The following WNT7B variants were observed in gnomAD, a reference collection of about 807,000 sequenced individuals.
The protein encoded by WNT7B is protein Wnt-7b.
WNT7B carries 19 observed loss-of-function variants against 38.2 expected under a neutral mutation model. The ratio of observed to expected loss-of-function variants is 0.50; its 90% CI spans 0.35 to 0.73. WNT7B has a LOEUF of 0.73. Among genes scored for constraint, WNT7B ranks in the 30% least tolerant of loss-of-function variants. The pLI is 0.01. For synonymous variants in WNT7B, 243 were observed against 209.3 expected (o/e 1.16, Z -1.39); for missense variants, 423 against 507.9 (o/e 0.83, Z 1.61).
At chr22:45,959,954 T>C (rs376589791) in intron 1 of WNT7B, among the ~76,000 whole-genome samples, 1 of 152,242 alleles carries the variant, frequency 6.6e-6, no homozygotes, top group East Asian at 1.9e-4. Context: ...GCGGGAACCC[T>C]GGGGCCATCT....
rs1189181463 is a variant in WNT7B at position 45,950,049 on chromosome 22, C to T, written c.169G>A (p.Asp57Asn). Residue 57 changes from aspartate to asparagine, a missense_variant, in exon 2 of 4, where the codon GAT becomes AAT. Coordinates refer to ENST00000339464, the MANE Select transcript of WNT7B (RefSeq NM_058238.3). ...CCCTCCCCAATCACAATGATGGCAT[C>T]GGGCCGACTCTGGCAGATGGCACGC... ...RQRAICQSRP[D>N]AIIVIGEGAQ... 3 of 1,614,022 alleles carry T rather than the reference C, an allele frequency of 1.9e-6. No individual in the cohort carries two copies. Among genetic ancestry groups the T allele is most frequent in the Admixed American group, 1.7e-5 (1 of 60,034 alleles).
intron 1 of WNT7B, among the ~76,000 whole-genome samples, chr22:45,959,257 C>A (rs963529269): frequency 2.0e-5 from 3 of 152,174 alleles, no homozygotes; most frequent in Non-Finnish European, 4.4e-5. Context: ...TGGGCAGCAG[C>A]GCGGCCGTGG....
rs1332474247 is a variant in WNT7B at position 45,921,297 on chromosome 22, G to T, written c.*1559C>A. The T allele has an allele frequency of 6.6e-6, 1 of 152,364 alleles. No individual in the cohort carries two copies. Among genetic ancestry groups the T allele is most frequent in the Non-Finnish European group, 1.5e-5 (1 of 68,122 alleles). 9.4% of individuals were successfully genotyped at this position (152,364 alleles called of 1,614,324 possible). On this transcript the variant is annotated 3_prime_UTR_variant, in exon 4 of 4. Transcript: ENST00000339464. ...GGATCCAGATTTTCTCAGCACTGGG[G>T]TCAGGGTAAAAGGACCAGGACAGGG... is the stretch of plus-strand genomic sequence containing the variant.
rs1264739461 is a variant in WNT7B at position 45,922,583 on chromosome 22, G to A, written c.*273C>T. On this transcript the variant is annotated 3_prime_UTR_variant, in exon 4 of 4. Transcript: ENST00000339464. Reference sequence around the variant, plus strand: ...GAAGAAAGAGAACTTGCCGGGCCCCGTCGGGGAGCACCAAGACCCCTGGCC... The same window carrying A: ...GAAGAAAGAGAACTTGCCGGGCCCCATCGGGGAGCACCAAGACCCCTGGCC... 5 of 490,076 alleles carry A rather than the reference G, an allele frequency of 1.0e-5. No individual in the cohort carries two copies. The highest frequency in any genetic ancestry group is 7.2e-5 in the South Asian group (2 of 27,944). 30.4% of individuals were successfully genotyped at this position (490,076 alleles called of 1,614,324 possible).
intron 1 of WNT7B, among the ~76,000 whole-genome samples, chr22:45,963,328 C>T (rs1932238161): frequency 6.6e-6 from 1 of 152,186 alleles, no homozygotes; most frequent in South Asian, 2.1e-4. Context: ...CCGCCACCGC[C>T]TCCTAGCCAA....
chr22:45,926,681 C>T (rs768836283), intron 3 of WNT7B: 1 of 982,252 alleles, frequency 1.0e-6, no homozygotes, highest in Non-Finnish European at 1.2e-6. Context: ...ACCTCCCATG[C>T]TGGCCGGTCC....
chr22:45,973,923 C>G (rs1366675434), intron 1 of WNT7B, among the ~76,000 whole-genome samples: 1 of 152,108 alleles, frequency 6.6e-6, no homozygotes, highest in African/African-American at 2.4e-5. Context: ...AGGCAGCATG[C>G]AGGGAAGTGA....
chr22:45,941,476 A>G (rs1023677084), intron 2 of WNT7B, among the ~76,000 whole-genome samples: 12 of 145,368 alleles, frequency 8.3e-5, no homozygotes, highest in African/African-American at 3.1e-4. Flanking sequence ...GCGTCAGTGC[A>G]CTCCAGCCTG....
chr22:45,927,999 T>A (rs905274568), intron 3 of WNT7B, among the ~76,000 whole-genome samples: 1 of 152,068 alleles, frequency 6.6e-6, no homozygotes, highest in Non-Finnish European at 1.5e-5. Flanking sequence ...CACTGGGAGC[T>A]GAGGAATGCT....
chr22:45,958,721 C>T (rs1165630212), intron 1 of WNT7B, among the ~76,000 whole-genome samples: 5 of 152,178 alleles, frequency 3.3e-5, no homozygotes, highest in Non-Finnish European at 5.9e-5. Flanking sequence ...CCGGGGCTGG[C>T]CAGTGCCCTG....
intron 3 of WNT7B, among the ~76,000 whole-genome samples, chr22:45,930,338 C>T: frequency 6.6e-6 from 1 of 152,264 alleles, no homozygotes; most frequent in East Asian, 1.9e-4. Context: ...AAGTCTGTCC[C>T]ACACCTGAGA....
intron 3 of WNT7B, among the ~76,000 whole-genome samples, chr22:45,928,684 C>T (rs374791991): frequency 2.6e-5 from 4 of 151,722 alleles, no homozygotes; most frequent in African/African-American, 9.7e-5. Flanking sequence ...CAGACACCTC[C>T]AAGTCCCACA....
intron 1 of WNT7B, among the ~76,000 whole-genome samples, chr22:45,974,393 T>C (rs1932511219): frequency 6.6e-6 from 1 of 152,196 alleles, no homozygotes; most frequent in South Asian, 2.1e-4. Flanking sequence ...TTCCCCCTTC[T>C]ACCGCTGCGC....
chr22:45,964,449 G>C (rs546845755), intron 1 of WNT7B, among the ~76,000 whole-genome samples: 8 of 152,312 alleles, frequency 5.3e-5, no homozygotes, highest in Non-Finnish European at 1.0e-4. Flanking sequence ...GAGTCATGGG[G>C]CACACAGGAG....
intron 2 of WNT7B, among the ~76,000 whole-genome samples, chr22:45,945,974 C>A (rs1468882886): frequency 5.3e-5 from 8 of 152,370 alleles, no homozygotes; most frequent in Admixed American, 5.2e-4. Context: ...ACTCAGCATT[C>A]CCTGGCAGCT....
At chr22:45,957,956 A>G (rs1452074178) in intron 1 of WNT7B, among the ~76,000 whole-genome samples, 1 of 152,162 alleles carries the variant, frequency 6.6e-6, no homozygotes, top group South Asian at 2.1e-4. Flanking sequence ...GCCTCTCTGG[A>G]CCCTGAATGC....
intron 2 of WNT7B, among the ~76,000 whole-genome samples, chr22:45,938,507 T>G (rs1053715350): frequency 6.6e-6 from 1 of 151,832 alleles, no homozygotes. Flanking sequence ...CGTGGTGGTG[T>G]GCGCCTGTAA....
chr22:45,952,401 C>A (rs1931954725), intron 1 of WNT7B, among the ~76,000 whole-genome samples: 1 of 151,902 alleles, frequency 6.6e-6, no homozygotes, highest in South Asian at 2.1e-4. Context: ...CCCTGGGTCT[C>A]CCATGGGCAC....
At chr22:45,970,830 G>C (rs1257128839) in intron 1 of WNT7B, among the ~76,000 whole-genome samples, 2 of 152,324 alleles carry the variant, frequency 1.3e-5, no homozygotes, top group East Asian at 3.9e-4. Context: ...TATCAGCCTG[G>C]GTCCCCACTG....
Sources: gnomAD v4.1 joint callset for allele counts (sites outside exome capture counted in the v4.1 genomes callset) on GRCh38, gnomAD v4.1.1 for gene constraint, MANE v1.5 for transcripts, NCBI Gene and HGNC (gene_info 2026-07-23, HGNC 2026-07-21) for gene names.